The following CARNMT1 variants were observed in gnomAD, a reference collection of about 807,000 sequenced individuals.
CARNMT1 encodes carnosine N-methyltransferase 1.
In CARNMT1, 28 loss-of-function variants were observed where a neutral mutation model predicts 49.6. The observed-to-expected ratio is 0.56, with a 90% CI of 0.42 to 0.77. The LOEUF (loss-of-function observed/expected upper bound fraction) is 0.77, where lower values mean the gene tolerates loss of function less well. CARNMT1 is among the 30% of genes least tolerant of loss of function. The pLI, the probability that CARNMT1 is intolerant of heterozygous loss-of-function variation, is 0.00. For missense variants in CARNMT1, 421 were observed against 512.6 expected (o/e 0.82, Z 1.73); for synonymous variants, 178 against 175.0 (o/e 1.02, Z -0.13).
chr9:75,024,564 TA>T (rs1487901971), intron 1 of CARNMT1, among the ~76,000 whole-genome samples: 2 of 152,246 alleles, frequency 1.3e-5, no homozygotes, highest in African/African-American at 4.8e-5. Flanking sequence ...ACATTTTTGC[TA>T]TTCAATACAA....
At chr9:75,009,421 G>T (rs1404470143) in intron 3 of CARNMT1, among the ~76,000 whole-genome samples, 3 of 151,818 alleles carry the variant, frequency 2.0e-5, no homozygotes, top group East Asian at 3.9e-4. Context: ...TCTTTTCGGT[G>T]TAAGTAAGTA....
intron 3 of CARNMT1, among the ~76,000 whole-genome samples, chr9:75,002,479 G>A (rs763239624): frequency 4.6e-5 from 7 of 152,112 alleles, no homozygotes; most frequent in African/African-American, 9.7e-5. Flanking sequence ...AAATTGAGAC[G>A]TGCTGTAAGT....
intron 6 of CARNMT1, among the ~76,000 whole-genome samples, chr9:74,989,568 A>G (rs1832954774): frequency 1.3e-5 from 2 of 152,088 alleles, no homozygotes. Flanking sequence ...CCCAAATCTC[A>G]TCTCAAATTA....
At chr9:74,996,150 G>A (rs1833182717) in intron 6 of CARNMT1, 1 of 224,688 alleles carries the variant, frequency 4.5e-6, no homozygotes, top group South Asian at 8.0e-5. Context: ...CACTGTCTCA[G>A]CATGTGGGAT....
chr9:74,987,199 A>G (rs1832870551), intron 6 of CARNMT1, among the ~76,000 whole-genome samples: 1 of 152,176 alleles, frequency 6.6e-6, no homozygotes, highest in Admixed American at 6.5e-5. Context: ...GGAATGCAAT[A>G]GTACAGTCAC....
intron 3 of CARNMT1, among the ~76,000 whole-genome samples, chr9:75,001,775 C>T (rs901185771): frequency 2.0e-5 from 3 of 152,288 alleles, no homozygotes; most frequent in Non-Finnish European, 2.9e-5. Context: ...ATGAAACTAA[C>T]GCACTCTAAG....
upstream of CARNMT1, chr9:75,028,323 A>G (rs1199455109): frequency 3.8e-6 from 5 of 1,313,432 alleles, no homozygotes; most frequent in East Asian, 6.4e-5. Context: ...CTTCCTCTAG[A>G]CGGCGCCCGC....
intron 1 of CARNMT1, among the ~76,000 whole-genome samples, chr9:75,025,841 C>A (rs1822510275): frequency 6.6e-6 from 1 of 152,202 alleles, no homozygotes; most frequent in African/African-American, 2.4e-5. Flanking sequence ...TCCAGTACAG[C>A]AGACTCTAGC....
At chr9:74,993,369 G>A (rs1210265211) in intron 6 of CARNMT1, among the ~76,000 whole-genome samples, 4 of 152,184 alleles carry the variant, frequency 2.6e-5, no homozygotes, top group African/African-American at 9.7e-5. Context: ...GGTCAGAGAA[G>A]GGGTGGTAAA....
upstream of CARNMT1, chr9:75,028,342 T>A: frequency 6.1e-6 from 8 of 1,307,142 alleles, no homozygotes; most frequent in Non-Finnish European, 6.8e-6. Context: ...GCCGCGGACA[T>A]GCCCCCAGCT....
chr9:75,007,743 A>T (rs567375407), intron 3 of CARNMT1, among the ~76,000 whole-genome samples: 4 of 108,230 alleles, frequency 3.7e-5, no homozygotes, highest in East Asian at 5.4e-4. Flanking sequence ...AAATAAAAAT[A>T]ATAAAAAAAA....
chr9:75,026,020 C>T (rs947680508), intron 1 of CARNMT1, among the ~76,000 whole-genome samples: 1 of 152,154 alleles, frequency 6.6e-6, no homozygotes, highest in Non-Finnish European at 1.5e-5. Context: ...ATCCACTGTT[C>T]TCTGCTACAT....
At chr9:74,992,125 A>G (rs1833041765) in intron 6 of CARNMT1, among the ~76,000 whole-genome samples, 1 of 152,092 alleles carries the variant, frequency 6.6e-6, no homozygotes, top group African/African-American at 2.4e-5. Flanking sequence ...TACAAAAAAC[A>G]GCCAGGTGTG....
At chr9:75,023,147 A>C (rs1173145335) in intron 1 of CARNMT1, among the ~76,000 whole-genome samples, 1 of 151,724 alleles carries the variant, frequency 6.6e-6, no homozygotes, top group Non-Finnish European at 1.5e-5. Flanking sequence ...AAAAAAAAAA[A>C]AAAAAAGAAA....
chr9:75,001,388 C>T (rs889475666), intron 3 of CARNMT1, among the ~76,000 whole-genome samples: 15 of 152,138 alleles, frequency 9.9e-5, no homozygotes, highest in East Asian at 1.9e-4. Context: ...TTCTCCTTAA[C>T]TAAACAGAAC....
At chr9:75,023,923 C>G (rs919889441) in intron 1 of CARNMT1, among the ~76,000 whole-genome samples, 3 of 152,222 alleles carry the variant, frequency 2.0e-5, no homozygotes, top group African/African-American at 7.2e-5. Flanking sequence ...TCAGACTCTC[C>G]TTGGTTCTGA....
At chr9:75,022,213 CTTT>C (rs35783706) in intron 1 of CARNMT1, among the ~76,000 whole-genome samples, 30 of 77,000 alleles carry the variant, frequency 3.9e-4, no homozygotes, top group South Asian at 2.1e-3. Flanking sequence ...AGAAGGAATA[CTTT>C]TTTTTTTTTT....
chr9:75,020,780 G>C (rs1822324311), intron 1 of CARNMT1, among the ~76,000 whole-genome samples: 1 of 152,142 alleles, frequency 6.6e-6, no homozygotes, highest in African/African-American at 2.4e-5. Flanking sequence ...TTGGTGTGGG[G>C]GGCCCTTAGG....
intron 1 of CARNMT1, chr9:75,027,451 G>A: frequency 3.0e-6 from 3 of 985,230 alleles, no homozygotes; most frequent in Non-Finnish European, 3.6e-6. Flanking sequence ...AAGACACTGA[G>A]CAGCATCATT....
Sources: gnomAD v4.1 joint callset for allele counts (sites outside exome capture counted in the v4.1 genomes callset) on GRCh38, gnomAD v4.1.1 for gene constraint, MANE v1.5 for transcripts, NCBI Gene and HGNC (gene_info 2026-07-23, HGNC 2026-07-21) for gene names.